Variants in ABCA1 observed in about 807,000 individuals in gnomAD.
The protein encoded by ABCA1 is ATP binding cassette subfamily A member 1, also known as phospholipid-transporting ATPase ABCA1.
ABCA1 carries 133 observed loss-of-function variants against 262.5 expected under a neutral mutation model. The observed-to-expected ratio is 0.51, with a 90% CI of 0.44 to 0.59. ABCA1 has a LOEUF of 0.59. Among genes scored for constraint, ABCA1 ranks in the 20% least tolerant of loss-of-function variants. The probability of loss-of-function intolerance (pLI) is 0.00; values close to 1 mark genes in which losing one functional copy is unlikely to be tolerated. For synonymous variants in ABCA1, 1,022 were observed against 1,043.5 expected (o/e 0.98, Z 0.40); for missense variants, 2,452 against 2,777.5 (o/e 0.88, Z 2.63).
At chr9:104,795,842 A>T (rs1013129135) in intron 39 of ABCA1, among the ~76,000 whole-genome samples, 2 of 152,228 alleles carry the variant, frequency 1.3e-5, no homozygotes, top group African/African-American at 4.8e-5. Context: ...AAAACTGTCA[A>T]AAGAAACTGA....
intron 47 of ABCA1, 112 bp downstream of exon 47, chr9:104,786,761 A>G: frequency 9.8e-7 from 1 of 1,022,470 alleles, no homozygotes; most frequent in Admixed American, 1.8e-5. Context: ...TCAGGTAATA[A>G]TTGTTTTACT....
chr9:104,837,880 T>C (rs1172026728), intron 9 of ABCA1, among the ~76,000 whole-genome samples: 1 of 152,086 alleles, frequency 6.6e-6, no homozygotes, highest in Non-Finnish European at 1.5e-5. Context: ...TCTGGAAAAA[T>C]GTTTTCATGA....
chr9:104,827,192 A>T lies in ABCA1; in HGVS notation c.2116-23T>A, dbSNP rs185144403. 582 of 1,592,414 alleles carry T rather than the reference A, an allele frequency of 3.7e-4. 5 individuals are homozygous for T. Among genetic ancestry groups the T allele is most frequent in the Admixed American group, 2.3e-3 (136 of 59,810 alleles). ...TAACTGGGAAGGAAGAGACACATCA[A>T]ATGTGCTGCCTCAACAATCCCAAGC... On this transcript the variant is annotated intron_variant, in intron 15 of 49. Transcript: ENST00000374736.
chr9:104,916,898 A>C (rs1179469811), intron 1 of ABCA1, among the ~76,000 whole-genome samples: 1 of 152,192 alleles, frequency 6.6e-6, no homozygotes. Context: ...TCTGAGTCTA[A>C]GAAAACTGTT....
intron 14 of ABCA1, among the ~76,000 whole-genome samples, chr9:104,829,853 C>T (rs1207396935): frequency 1.3e-5 from 2 of 151,448 alleles, no homozygotes; most frequent in Non-Finnish European, 2.9e-5. Context: ...CCTTGAAAAG[C>T]TATAGATAGC....
At chr9:104,788,971 T>G (rs1407652425) in intron 44 of ABCA1, among the ~76,000 whole-genome samples, 1 of 152,210 alleles carries the variant, frequency 6.6e-6, no homozygotes, top group African/African-American at 2.4e-5. Flanking sequence ...CCAGAAATTT[T>G]GAGTGTGAGC....
chr9:104,896,711 C>CT (rs56710442), intron 2 of ABCA1, among the ~76,000 whole-genome samples: 1,006 of 37,002 alleles, frequency 0.027, 354 homozygotes, highest in Non-Finnish European at 0.037. Context: ...CCCTACACAT[C>CT]TTTTTTTTTT....
chr9:104,894,123 A>G (rs1840003789), intron 2 of ABCA1, among the ~76,000 whole-genome samples: 1 of 147,768 alleles, frequency 6.8e-6, no homozygotes, highest in South Asian at 2.1e-4. Flanking sequence ...TGTACCCATC[A>G]TGCTGCCATC....
intron 2 of ABCA1, among the ~76,000 whole-genome samples, chr9:104,890,995 T>C (rs1839686331): frequency 6.6e-6 from 1 of 152,308 alleles, no homozygotes; most frequent in African/African-American, 2.4e-5. Context: ...ATGCAGCATA[T>C]ATACTTTTGT....
At chr9:104,878,555 TG>T (rs1158319001) in intron 5 of ABCA1, among the ~76,000 whole-genome samples, 1 of 152,136 alleles carries the variant, frequency 6.6e-6, no homozygotes, top group Non-Finnish European at 1.5e-5. Context: ...TGTGTAGACT[TG>T]GGACAGTCAC....
intron 5 of ABCA1, among the ~76,000 whole-genome samples, chr9:104,862,754 C>T (rs1217804960): frequency 8.8e-6 from 1 of 113,664 alleles, no homozygotes; most frequent in African/African-American, 3.1e-5. Flanking sequence ...CCCCCACCCC[C>T]AGAGTTTCTG....
intron 2 of ABCA1, among the ~76,000 whole-genome samples, chr9:104,903,340 G>T (rs1840821964): frequency 6.6e-6 from 1 of 152,148 alleles, no homozygotes; most frequent in African/African-American, 2.4e-5. Context: ...GTGCTCAGGG[G>T]CGATTCGGAG....
intron 1 of ABCA1, among the ~76,000 whole-genome samples, chr9:104,904,551 C>T (rs1168528250): frequency 7.1e-6 from 1 of 140,490 alleles, no homozygotes; most frequent in Admixed American, 7.4e-5. Context: ...GGCGACAGAG[C>T]GAGACTCTGT....
At chr9:104,872,443 A>G (rs1023353872) in intron 5 of ABCA1, among the ~76,000 whole-genome samples, 17 of 152,148 alleles carry the variant, frequency 1.1e-4, no homozygotes, top group African/African-American at 3.4e-4. Flanking sequence ...GTGGGGAGAA[A>G]ATGCTAAGCC....
intron 1 of ABCA1, among the ~76,000 whole-genome samples, chr9:104,914,280 C>A (rs1459263213): frequency 6.6e-6 from 1 of 151,422 alleles, no homozygotes; most frequent in Non-Finnish European, 1.5e-5. Context: ...AGTTCGAGAC[C>A]AGCCTGGTCA....
chr9:104,891,075 T>G (rs1839694838), intron 2 of ABCA1, among the ~76,000 whole-genome samples: 1 of 152,218 alleles, frequency 6.6e-6, no homozygotes, highest in African/African-American at 2.4e-5. Context: ...TCTTAAAACA[T>G]GTCCTGTAAT....
chr9:104,783,198 A>G lies in ABCA1; in HGVS notation c.*1117T>C, dbSNP rs1192226895. 1 of 152,228 alleles carries G rather than the reference A, an allele frequency of 6.6e-6. No individual in the cohort carries two copies. 9.4% of individuals were successfully genotyped at this position (152,228 alleles called of 1,614,324 possible). Reference sequence around the variant, plus strand: ...AGTGGGGCAGTGGCCATACTCCTCTATACCACAGGGTTCTACAAAGAGGCC... The same window carrying G: ...AGTGGGGCAGTGGCCATACTCCTCTGTACCACAGGGTTCTACAAAGAGGCC... On this transcript the variant is annotated 3_prime_UTR_variant, in exon 50 of 50. Coordinates refer to ENST00000374736, the MANE Select transcript of ABCA1 (RefSeq NM_005502.4).
chr9:104,795,929 G>C, intron 39 of ABCA1, 124 bp downstream of exon 39: 2 of 1,367,478 alleles, frequency 1.5e-6, no homozygotes. Flanking sequence ...AGACTCTGAA[G>C]ACAGGACAAG....
rs1174560122 is a variant in ABCA1 at position 104,787,117 on chromosome 9, T to G, written c.6205-141A>C. ...GTTATTTCTTGATGAATCAAAGAATTAGAGTAACTTTCAAATTCATTTGTA... is the reference window on the plus strand; with the variant it reads ...GTTATTTCTTGATGAATCAAAGAATGAGAGTAACTTTCAAATTCATTTGTA... On this transcript the variant is annotated intron_variant, in intron 46 of 49. Transcript: ENST00000374736. The G allele has an allele frequency of 1.5e-5, 10 of 662,638 alleles. No individual in the cohort carries two copies. The African/African-American group carries it at 1.8e-4, about 12-fold the overall frequency. The allele number at this position is 662,638 out of a possible 1,614,324, so 41.0% of individuals were successfully genotyped here.
Sources: gnomAD v4.1 joint callset for allele counts (sites outside exome capture counted in the v4.1 genomes callset) on GRCh38, gnomAD v4.1.1 for gene constraint, MANE v1.5 for transcripts, NCBI Gene and HGNC (gene_info 2026-07-23, HGNC 2026-07-21) for gene names.